The following ZC3H13 variants were observed in gnomAD, a reference collection of about 807,000 sequenced individuals.
ZC3H13 encodes the protein zinc finger CCCH domain-containing protein 13.
Under a neutral mutation model 204.1 loss-of-function variants are expected in ZC3H13, and 64 were observed. The ratio of observed to expected loss-of-function variants is 0.31; its 90% confidence interval spans 0.26 to 0.39. The LOEUF (loss-of-function observed/expected upper bound fraction) is 0.39, where lower values mean the gene tolerates loss of function less well. Ranked by LOEUF, ZC3H13 falls within the 10% of genes least tolerant of loss-of-function variation. ZC3H13 has a pLI of 1.00. For missense variants in ZC3H13, 1,833 were observed against 2,082.7 expected (o/e 0.88, Z 2.33); for synonymous variants, 667 against 693.7 (o/e 0.96, Z 0.60).
In ZC3H13 at chr13:46,003,215, T is replaced by C. The variant is rs767642794; in HGVS notation, c.868A>G (p.Ile290Val). 4.3e-6 allele frequency: 7 copies of C among 1,613,240 alleles called. No individual in the cohort carries two copies. The highest frequency in any genetic ancestry group is 2.2e-5 in the South Asian group (2 of 90,848). Residue 290 changes from isoleucine to valine, a missense_variant, in exon 8 of 19, where the codon ATA (isoleucine) becomes GTA (valine). This residue lies in a region of ZC3H13 where 1,574 missense variants were observed against 1,757.2 expected (regional missense o/e 0.90). Transcript: ENST00000679008. ...YKEKYKVKDR[I>V]EEKTRDGKDR... ...TTTCCATCTCTTGTTTTTTCTTCTA[T>C]CCTGTCTTTTACTTTATATTTTTCT...
Position 45,976,086 on chromosome 13 carries a change from CT to C in ZC3H13, c.1913-249del, listed in dbSNP as rs1193713254. 21 of 878,140 alleles carry C rather than the reference CT, an allele frequency of 2.4e-5. No homozygotes were observed. In the African/African-American group the frequency reaches 3.3e-4, roughly 14 times the overall value. The allele number at this position is 878,140 out of a possible 1,614,324, so 54.4% of individuals were successfully genotyped here. A position where few individuals can be genotyped will look rare whatever the true frequency, so the allele number is the denominator to read the frequency against. On this transcript the variant is annotated intron_variant, in intron 11 of 18. Coordinates refer to ENST00000679008, the MANE Select transcript of ZC3H13 (RefSeq NM_001330564.2). ...TGCTCCCCGTCAACCCCCTTCCCCC[CT>C]CCCACTGATCAATCTTTGATCTTTC...
chr13:45,963,353 T>C (rs1465675099), intron 17 of ZC3H13: 1 of 986,662 alleles, frequency 1.0e-6, no homozygotes, highest in Non-Finnish European at 1.2e-6. Context: ...GTAGTCTGTT[T>C]TTCCTGGCTC....
intron 8 of ZC3H13, among the ~76,000 whole-genome samples, chr13:45,992,787 G>A (rs1283739715): frequency 6.6e-6 from 1 of 152,122 alleles, no homozygotes; most frequent in Non-Finnish European, 1.5e-5. Context: ...CTGAGGGCCT[G>A]AACAGAACAA....
At chr13:45,973,610 G>A (rs1309993175) in intron 12 of ZC3H13, among the ~76,000 whole-genome samples, 1 of 152,134 alleles carries the variant, frequency 6.6e-6, no homozygotes, top group African/African-American at 2.4e-5. Context: ...TCCTCTGAGT[G>A]CCATGTCAGT....
rs1952940888 is a variant in ZC3H13 at position 45,975,442 on chromosome 13, C to T, written c.2309G>A (p.Arg770Gln). 5 of 1,613,158 alleles carry T rather than the reference C, an allele frequency of 3.1e-6. No individual in the cohort carries two copies. The highest frequency in any genetic ancestry group is 1.3e-5 in the African/African-American group (1 of 74,724). ...RERERERERE[R>Q]ERERERARER... Reference sequence around the variant, plus strand: ...TCTCGCTCTTTCTCGTTCCCGTTCTCGCTCTCGCTCTCTCTCCCGTTCTCG... The same window carrying T: ...TCTCGCTCTTTCTCGTTCCCGTTCTTGCTCTCGCTCTCTCTCCCGTTCTCG... Residue 770 changes from arginine to glutamine, a missense_variant, in exon 12 of 19, where the codon CGA becomes CAA. Physicochemically the swap from Arg to Gln is conservative, Grantham distance 43 (BLOSUM62 1). Transcript: ENST00000679008.
At position 45,969,681 on chromosome 13, in the gene ZC3H13, C is replaced by T. The variant is rs1463773800; in HGVS notation, c.2863G>A (p.Glu955Lys). 1 of 1,611,232 alleles carries T rather than the reference C, an allele frequency of 6.2e-7. No homozygotes were observed. The highest frequency in any genetic ancestry group is 8.5e-7 in the Non-Finnish European group (1 of 1,179,492). The change falls in exon 14 of 19, where the codon GAA becomes AAA. Residue 955 changes from glutamate to lysine, a missense_variant. Glu to Lys is a moderately conservative substitution (Grantham distance 56). This residue lies in a region of ZC3H13 where 1,574 missense variants were observed against 1,757.2 expected (regional missense o/e 0.90). Transcript: ENST00000679008. ...TGAATTTTTGCTTTCTTCTTGTTTT[C>T]ATCATGAGCTCGATCAGATGTCTCT... ...DRETSDRAHDENKKKAKIQKK... is the reference protein window; with the variant it reads ...DRETSDRAHDKNKKKAKIQKK...
intron 4 of ZC3H13, 95 bp from the exon 5 acceptor site, chr13:46,020,652 C>G (rs2042167982): frequency 1.3e-6 from 1 of 794,632 alleles, no homozygotes; most frequent in Admixed American, 3.4e-5. Flanking sequence ...TCATTCATCT[C>G]TGTTTCATCA....
chr13:45,979,947 T>C lies in ZC3H13; in HGVS notation c.1778A>G (p.His593Arg), dbSNP rs748963149. The C allele has an allele frequency of 9.3e-6, 15 of 1,612,366 alleles. No homozygotes were observed. Among genetic ancestry groups the C allele is most frequent in the East Asian group, 4.5e-5 (2 of 44,724 alleles). ...IDSHSSNSNYHDSWETRSSYP... is the reference protein window; with the variant it reads ...IDSHSSNSNYRDSWETRSSYP... ...GCTACTTCGAGTTTCCCAGCTGTCA[T>C]GATAGTTGCTATTACTACTGTGACT... The change falls in exon 11 of 19, where the codon CAT (histidine) becomes CGT (arginine). Residue 593 changes from histidine to arginine, a missense_variant. Physicochemically the swap from His to Arg is conservative, Grantham distance 29. Transcript: ENST00000679008.
At position 45,985,670 on chromosome 13, in the gene ZC3H13, G is replaced by C. The variant is rs375256031; in HGVS notation, c.1347C>G (p.Asp449Glu). The C allele has an allele frequency of 2.5e-6, 4 of 1,613,792 alleles. No homozygotes were observed. The highest frequency in any genetic ancestry group is 3.4e-6 in the Non-Finnish European group (4 of 1,180,010). ...GATCCCGACCATCTCGAGGTTCTCTGTCATCTCTGTGGTCTCTAGAAGAGC... is the reference window on the plus strand; with the variant it reads ...GATCCCGACCATCTCGAGGTTCTCTCTCATCTCTGTGGTCTCTAGAAGAGC... Reference protein sequence around the residue: ...DQSSSRDHRDDREPRDGRDRR... With the variant: ...DQSSSRDHRDEREPRDGRDRR... Residue 449 changes from aspartate to glutamate, a missense_variant, in exon 10 of 19, where the codon GAC becomes GAG. Around this residue, in one of 5 missense-constraint regions of ZC3H13, gnomAD observed 1,574 missense variants for 1,757.2 expected, o/e 0.90. Coordinates refer to ENST00000679008, the MANE Select transcript of ZC3H13 (RefSeq NM_001330564.2).
At chr13:45,998,399 A>T (rs1050741976) in intron 8 of ZC3H13, among the ~76,000 whole-genome samples, 1 of 152,106 alleles carries the variant, frequency 6.6e-6, no homozygotes, top group Non-Finnish European at 1.5e-5. Context: ...TCATCCCAGC[A>T]CTTTGGGAGG....
intron 17 of ZC3H13, among the ~76,000 whole-genome samples, chr13:45,960,410 A>G (rs1270687059): frequency 1.3e-5 from 2 of 152,244 alleles, no homozygotes; most frequent in South Asian, 2.1e-4. Flanking sequence ...TTCAAATGTT[A>G]TAACAATATT....
intron 5 of ZC3H13, among the ~76,000 whole-genome samples, 160 bp from the exon 6 acceptor site, chr13:46,011,714 T>C (rs2041575074): frequency 6.6e-6 from 1 of 152,234 alleles, no homozygotes; most frequent in Non-Finnish European, 1.5e-5. Flanking sequence ...ATACCATTTC[T>C]ATAAAGGATT....
rs542387065 is a variant in ZC3H13, at chr13:45,995,469, A to G, written c.945-6372T>C. Among the ~76,000 whole-genome samples, 3 of 152,272 alleles carry G rather than the reference A, an allele frequency of 2.0e-5. No individual in the cohort carries two copies. The East Asian group carries it at 5.8e-4, about 29-fold the overall frequency. ...GAGTTGTTTTGATGTTTATAACATG[A>G]TTTCATTCTTAACACAAGCCTTTCG... On this transcript the variant is annotated intron_variant, in intron 8 of 18. Transcript: ENST00000679008.
At position 46,007,686 on chromosome 13, in the gene ZC3H13, T is replaced by G. The variant is rs150437883; in HGVS notation, c.746+2662A>C. Among the ~76,000 whole-genome samples the G allele has an allele frequency of 2.6e-3, 390 of 152,320 alleles. 1 individual carries two copies. The highest frequency in any genetic ancestry group is 9.1e-3 in the African/African-American group (378 of 41,562). On this transcript the variant is annotated intron_variant, in intron 7 of 18. Transcript: ENST00000679008. Reference sequence around the variant, plus strand: ...CAACTGAAGAGGCCAAAACTGGTTTTGTGTATTCTGAAATCACCAAGATCT... The same window carrying G: ...CAACTGAAGAGGCCAAAACTGGTTTGGTGTATTCTGAAATCACCAAGATCT...
chr13:45,996,676 C>T (rs531877840), intron 8 of ZC3H13, among the ~76,000 whole-genome samples: 25 of 149,152 alleles, frequency 1.7e-4, no homozygotes, highest in African/African-American at 5.7e-4. Flanking sequence ...TTATGCAGTT[C>T]GAGTAACCCT....
At chr13:45,981,225 A>C (rs1250767867) in intron 10 of ZC3H13, among the ~76,000 whole-genome samples, 2 of 152,238 alleles carry the variant, frequency 1.3e-5, no homozygotes, top group Non-Finnish European at 2.9e-5. Context: ...TACCATGGAT[A>C]AATCTTTGAC....
chr13:46,047,829 TAATA>T (rs2044082232), intron 1 of ZC3H13, among the ~76,000 whole-genome samples: 2 of 152,246 alleles, frequency 1.3e-5, no homozygotes, highest in Non-Finnish European at 2.9e-5. Context: ...AAACATTTCT[TAATA>T]AACAAAATTG....
At chr13:46,048,264 C>T (rs1215951933) in intron 1 of ZC3H13, among the ~76,000 whole-genome samples, 1 of 152,162 alleles carries the variant, frequency 6.6e-6, no homozygotes, top group Non-Finnish European at 1.5e-5. Context: ...TCTCTCCAAT[C>T]CTAGACTCCC....
rs1379440453 is a variant in ZC3H13, at chr13:45,983,422, T to A, written c.1720+1875A>T. 2.1e-3 allele frequency among the ~76,000 whole-genome samples: 142 copies of A among 68,488 alleles called. 4 individuals are homozygous for A. The highest frequency in any genetic ancestry group is 6.0e-3 in the African/African-American group (71 of 11,882). The allele number at this position is 68,488 out of a possible 152,430, so 44.9% of individuals were successfully genotyped here. ...CTACTTATATATATATATTTTTTTTTTTTTTTTTTTTTTTTTTTTTTTGAG... is the reference window on the plus strand; with the variant it reads ...CTACTTATATATATATATTTTTTTTATTTTTTTTTTTTTTTTTTTTTTGAG... On this transcript the variant is annotated intron_variant, in intron 10 of 18. Transcript: ENST00000679008.
Sources: allele counts gnomAD v4.1 joint callset (sites outside exome capture counted in the v4.1 genomes callset), GRCh38; gene constraint gnomAD v4.1.1; regional missense constraint gnomAD v4.1.1; transcripts MANE v1.5; gene names NCBI Gene and HGNC (gene_info 2026-07-23, HGNC 2026-07-21).